PCDHGA5: variants seen among roughly 807,000 people sequenced by gnomAD.
PCDHGA5 encodes protocadherin gamma subfamily A, 5.
In PCDHGA5, 36 loss-of-function variants were observed where a neutral mutation model predicts 56.7. The observed-to-expected ratio is 0.64, with a 90% CI of 0.49 to 0.84. The LOEUF (loss-of-function observed/expected upper bound fraction) is 0.84. Ranked by LOEUF, PCDHGA5 falls within the 40% of genes least tolerant of loss-of-function variation. The probability of loss-of-function intolerance (pLI) is 0.00; values close to 1 mark genes in which losing one functional copy is unlikely to be tolerated. For synonymous variants in PCDHGA5, 563 were observed against 520.2 expected (o/e 1.08, Z -1.12); for missense variants, 1,305 against 1,201.5 (o/e 1.09, Z -1.27).
intron 1 of PCDHGA5, chr5:141,374,063 G>A (rs1770069063): frequency 6.7e-7 from 1 of 1,495,954 alleles, no homozygotes; most frequent in South Asian, 1.4e-5. Context: ...TAATCCCAGA[G>A]AAGTTCCTAA....
At chr5:141,389,538 G>C (rs772693461) in intron 1 of PCDHGA5, 1 of 1,613,186 alleles carries the variant, frequency 6.2e-7, no homozygotes, top group African/African-American at 1.3e-5. Flanking sequence ...GTTAGTGGAC[G>C]ACCGCAACGA....
chr5:141,422,494 T>G lies in PCDHGA5; in HGVS notation c.2421+55743T>G, dbSNP rs772798862. On this transcript the variant is annotated intron_variant, in intron 1 of 3. Transcript: ENST00000518069. ...GTTGGTCCAGAGCTACAATATAACG[T>G]TGACAGCCACAGACCAGGGAAGCCC... The G allele has an allele frequency of 3.5e-5, 56 of 1,613,848 alleles. No homozygotes were observed. Among genetic ancestry groups the G allele is most frequent in the Non-Finnish European group, 1.0e-5 (12 of 1,179,896 alleles).
intron 3 of PCDHGA5, 79 bp downstream of exon 3, chr5:141,505,560 G>A: frequency 6.2e-7 from 1 of 1,604,768 alleles, no homozygotes; most frequent in South Asian, 1.1e-5. Context: ...CATGCCCACG[G>A]ACTGGATGTC....
intron 1 of PCDHGA5, chr5:141,375,877 G>C (rs752155500): frequency 3.1e-6 from 5 of 1,613,794 alleles, no homozygotes; most frequent in South Asian, 1.1e-5. Flanking sequence ...ACAGAGACTC[G>C]GGCCAGAACG....
Position 141,487,373 on chromosome 5 carries a change from C to T in PCDHGA5, c.2422-7434C>T. 2 of 1,614,224 alleles carry T rather than the reference C, an allele frequency of 1.2e-6. No homozygotes were observed. Among genetic ancestry groups the T allele is most frequent in the Non-Finnish European group, 1.7e-6 (2 of 1,180,042 alleles). On this transcript the variant is annotated intron_variant, in intron 1 of 3. Transcript: ENST00000518069. This position sits in a 1 kb window ranked among gnomAD's most constrained non-coding sequence, Gnocchi z 5.0. ...CTTTCCTGCTGGCACCTGTGCCTGTCTCACCAGATCTCGAAGGAGGGAGGG... is the reference window on the plus strand; with the variant it reads ...CTTTCCTGCTGGCACCTGTGCCTGTTTCACCAGATCTCGAAGGAGGGAGGG...
intron 1 of PCDHGA5, chr5:141,375,679 G>A (rs1399157230): frequency 6.2e-7 from 1 of 1,614,244 alleles, no homozygotes; most frequent in Admixed American, 1.7e-5. Flanking sequence ...AGCTGTGGGT[G>A]ACAGCCAGCG....
chr5:141,418,542 T>G, intron 1 of PCDHGA5: 1 of 1,614,028 alleles, frequency 6.2e-7, no homozygotes, highest in Non-Finnish European at 8.5e-7. Flanking sequence ...ACTGCTCAGA[T>G]AAGAATCCTG....
At chr5:141,383,526 C>T in intron 1 of PCDHGA5, 1 of 1,612,534 alleles carries the variant, frequency 6.2e-7, no homozygotes, top group Non-Finnish European at 8.5e-7. Flanking sequence ...GGGTTCACCA[C>T]CTGGTCCTCA....
intron 1 of PCDHGA5, among the ~76,000 whole-genome samples, chr5:141,482,104 A>T (rs11748215): frequency 0.23 from 34,477 of 150,324 alleles, 4,798 homozygotes; most frequent in African/African-American, 0.39. Context: ...AAAAAAAAAA[A>T]ATATCTAGAG....
Position 141,366,421 on chromosome 5 carries a change from G to A in PCDHGA5, c.2091G>A (p.Val697=). Residue 697 remains valine (V), a synonymous_variant, in exon 1 of 4, where the codon GTG becomes GTA. Transcript: ENST00000518069. ...LDLTLYLVVA[V]AAVSCVFLAF... is the part of the protein sequence containing the mutation. Reference sequence around the variant, plus strand: ...TCACACTCTATCTTGTGGTGGCAGTGGCTGCAGTCTCCTGCGTCTTCCTGG... The same window carrying A: ...TCACACTCTATCTTGTGGTGGCAGTAGCTGCAGTCTCCTGCGTCTTCCTGG... 6.2e-7 allele frequency: 1 copy of A among 1,614,150 alleles called. No individual in the cohort carries two copies. Among genetic ancestry groups the A allele is most frequent in the Non-Finnish European group, 8.5e-7 (1 of 1,180,050 alleles).
At chr5:141,420,546 G>A in intron 1 of PCDHGA5, 1 of 284,254 alleles carries the variant, frequency 3.5e-6, no homozygotes, top group South Asian at 1.2e-4. Context: ...ATAAAATACA[G>A]GTATATTTTT....
At position 141,485,561 on chromosome 5, in the gene PCDHGA5, GCCC is replaced by G; in HGVS notation, c.2422-9242_2422-9240del. ...AGAGATCGTAGATGTGAATGATCAC[GCCC>G]CCCGTTTTCCGCGGCAGCAGCTGGA... On this transcript the variant is annotated intron_variant, in intron 1 of 3. Transcript: ENST00000518069. This position sits in a 1 kb window ranked among gnomAD's most constrained non-coding sequence, Gnocchi z 5.7. 1 of 1,613,008 alleles carries G rather than the reference GCCC, an allele frequency of 6.2e-7. No homozygotes were observed.
intron 1 of PCDHGA5, chr5:141,374,470 T>C (rs1171171112): frequency 6.2e-7 from 1 of 1,612,516 alleles, no homozygotes; most frequent in Admixed American, 1.7e-5. Context: ...TTAATGACAA[T>C]ACACCCCGAT....
intron 1 of PCDHGA5, chr5:141,415,056 G>A (rs1367441891): frequency 1.2e-6 from 2 of 1,613,416 alleles, no homozygotes; most frequent in East Asian, 2.2e-5. Context: ...GGGAGCACAC[G>A]GGCGAGGTGC....
rs1271293217 is a variant in PCDHGA5, at chr5:141,374,804, A to G, written c.2421+8053A>G. On this transcript the variant is annotated intron_variant, in intron 1 of 3. Transcript: ENST00000518069. ...TCTAGATGTGAATGACAACACTCCA[A>G]TGTTTACTCAGCCTGTCTACCGTGT... The G allele has an allele frequency of 6.8e-6, 11 of 1,613,854 alleles. No individual in the cohort carries two copies. In the East Asian group the frequency reaches 1.6e-4, roughly 23 times the overall value.
At chr5:141,462,980 G>T (rs1249102130) in intron 1 of PCDHGA5, among the ~76,000 whole-genome samples, 1 of 152,006 alleles carries the variant, frequency 6.6e-6, no homozygotes, top group Non-Finnish European at 1.5e-5. Flanking sequence ...AGTAACTTTT[G>T]CCTTGGGCTA....
chr5:141,451,408 T>C (rs1244686397), intron 1 of PCDHGA5, among the ~76,000 whole-genome samples: 1 of 152,204 alleles, frequency 6.6e-6, no homozygotes, highest in Non-Finnish European at 1.5e-5. Flanking sequence ...ATTAAGTTCC[T>C]TGTGGATTGT....
chr5:141,444,494 A>G (rs892854259), intron 1 of PCDHGA5, among the ~76,000 whole-genome samples: 1 of 152,010 alleles, frequency 6.6e-6, no homozygotes, highest in Admixed American at 6.6e-5. Flanking sequence ...ATATTGTGTA[A>G]TACTTTGCTC....
intron 1 of PCDHGA5, chr5:141,428,308 G>A (rs2097132099): frequency 1.5e-6 from 1 of 685,734 alleles, no homozygotes; most frequent in Non-Finnish European, 2.6e-6. Context: ...TTACCTGGTC[G>A]TGGCCTTGGC....
Sources: gnomAD v4.1 joint callset for allele counts (sites outside exome capture counted in the v4.1 genomes callset) on GRCh38, gnomAD v4.1.1 for gene constraint, Gnocchi (gnomAD v3.1) non-coding constraint, MANE v1.5 for transcripts, NCBI Gene and HGNC (gene_info 2026-07-23, HGNC 2026-07-21) for gene names.